The following SLC25A42 variants were observed in gnomAD, a reference collection of about 807,000 sequenced individuals.
The protein encoded by SLC25A42 is mitochondrial coenzyme A transporter SLC25A42.
In SLC25A42, 19 loss-of-function variants were observed where a neutral mutation model predicts 34.7. The observed-to-expected ratio is 0.55, with a 90% CI of 0.38 to 0.80. SLC25A42 has a LOEUF of 0.80. Among genes scored for constraint, SLC25A42 ranks in the 30% least tolerant of loss-of-function variants. The pLI is 0.00. For missense variants in SLC25A42, 364 were observed against 441.3 expected (o/e 0.82, Z 1.57); for synonymous variants, 205 against 191.2 (o/e 1.07, Z -0.59).
chr19:19,106,066 G>A, intron 5 of SLC25A42: 1 of 566,326 alleles, frequency 1.8e-6, no homozygotes. Flanking sequence ...GGGGGGAAGG[G>A]AAGGCAGCCA....
Position 19,109,164 on chromosome 19 carries a change from G to T in SLC25A42, c.649+1119G>T, listed in dbSNP as rs972768240. On this transcript the variant is annotated intron_variant, in intron 7 of 7. Transcript: ENST00000318596. The surrounding 1 kb of genome is among the most constrained non-coding windows in gnomAD (Gnocchi z 4.1). ...TGCAGCTCCCAGCTCAGCTGGTTTG[G>T]GGTGCATCCACCAGCATCTGTGCTC... Among the ~76,000 whole-genome samples the T allele has an allele frequency of 2.0e-5, 3 of 152,196 alleles. No individual in the cohort carries two copies. The highest frequency in any genetic ancestry group is 4.4e-5 in the Non-Finnish European group (3 of 68,032).
At chr19:19,107,243 G>A (rs527412912) in intron 6 of SLC25A42, among the ~76,000 whole-genome samples, 4 of 150,490 alleles carry the variant, frequency 2.7e-5, no homozygotes, top group African/African-American at 4.9e-5. Context: ...CTTGAGTCTC[G>A]CAGCTTGAGG....
At chr19:19,090,066 C>T (rs994881656) in intron 1 of SLC25A42, among the ~76,000 whole-genome samples, 1 of 152,182 alleles carries the variant, frequency 6.6e-6, no homozygotes, top group African/African-American at 2.4e-5. Context: ...AGTGTCCTGT[C>T]CCACCTTGGC....
At chr19:19,088,095 C>G (rs912284901) in intron 1 of SLC25A42, among the ~76,000 whole-genome samples, 1 of 152,100 alleles carries the variant, frequency 6.6e-6, no homozygotes, top group African/African-American at 2.4e-5. Context: ...AGTTTTGTTG[C>G]CATGTATGGA....
chr19:19,081,033 C>T lies in SLC25A42; in HGVS notation c.-34-15058C>T, dbSNP rs1208240509. On this transcript the variant is annotated intron_variant, in intron 1 of 7. Coordinates refer to ENST00000318596, the MANE Select transcript of SLC25A42 (RefSeq NM_178526.5). This position sits in a 1 kb window ranked among gnomAD's most constrained non-coding sequence, Gnocchi z 4.5. ...AACTGAGGCAGGAGTTTGGGGAATC[C>T]CTTGAGCCCAGGAGTTTGAAGTTAC... 6.6e-6 allele frequency among the ~76,000 whole-genome samples: 1 copy of T among 151,284 alleles called. No homozygotes were observed. The highest frequency in any genetic ancestry group is 1.5e-5 in the Non-Finnish European group (1 of 67,794).
At chr19:19,070,913 C>T (rs1193203054) in intron 1 of SLC25A42, among the ~76,000 whole-genome samples, 1 of 151,922 alleles carries the variant, frequency 6.6e-6, no homozygotes, top group Non-Finnish European at 1.5e-5. Context: ...GCTTTGCTTA[C>T]TCACCTGTCT....
chr19:19,073,889 G>A (rs1390346749), intron 1 of SLC25A42, among the ~76,000 whole-genome samples: 1 of 152,110 alleles, frequency 6.6e-6, no homozygotes, highest in East Asian at 1.9e-4. Flanking sequence ...TTGTATTTTT[G>A]TAGAGACAGG....
At chr19:19,096,254 T>TGGCCCCCCCCCCCCCCCCCC in intron 2 of SLC25A42, 49 bp downstream of exon 2, 7 of 1,456,632 alleles carry the variant, frequency 4.8e-6, no homozygotes, top group East Asian at 2.4e-5. Flanking sequence ...GGCCCCAGCC[T>TGGCCCCCCCCCCCCCCCCCC]CCCCACCCCC....
At chr19:19,104,578 G>A (rs1025180161) in intron 3 of SLC25A42, among the ~76,000 whole-genome samples, 13 of 152,206 alleles carry the variant, frequency 8.5e-5, no homozygotes, top group Admixed American at 7.2e-4. Flanking sequence ...GACCCCACAT[G>A]TAGACCCCTG....
intron 1 of SLC25A42, among the ~76,000 whole-genome samples, chr19:19,078,831 C>T (rs2059667577): frequency 6.6e-6 from 1 of 151,746 alleles, no homozygotes; most frequent in African/African-American, 2.4e-5. Flanking sequence ...TCAAAATGCA[C>T]ATAACTTGAA....
rs1268967923 is a variant in SLC25A42 at position 19,111,723 on chromosome 19, G to A, written c.*847G>A. 2 of 152,406 alleles carry A rather than the reference G, an allele frequency of 1.3e-5. No homozygotes were observed. Among genetic ancestry groups the A allele is most frequent in the Non-Finnish European group, 2.9e-5 (2 of 68,192 alleles). The allele number at this position is 152,406 out of a possible 1,614,324, so 9.4% of individuals were successfully genotyped here. A position where few individuals can be genotyped will look rare whatever the true frequency, so the allele number is the denominator to read the frequency against. On this transcript the variant is annotated 3_prime_UTR_variant, in exon 8 of 8. Transcript: ENST00000318596. Reference sequence around the variant, plus strand: ...TGTGAGCACACAAACCACCTCCTTTGGCCCAGAAGCCCCCCAGGCCTAGCA... The same window carrying A: ...TGTGAGCACACAAACCACCTCCTTTAGCCCAGAAGCCCCCCAGGCCTAGCA...
intron 1 of SLC25A42, among the ~76,000 whole-genome samples, chr19:19,072,688 A>T (rs944319344): frequency 2.7e-5 from 4 of 145,518 alleles, no homozygotes; most frequent in Admixed American, 6.9e-5. Flanking sequence ...CAGCCAAAAA[A>T]TTTTTTTTAG....
At chr19:19,080,004 T>C (rs1432675998) in intron 1 of SLC25A42, among the ~76,000 whole-genome samples, 1 of 152,170 alleles carries the variant, frequency 6.6e-6, no homozygotes, top group African/African-American at 2.4e-5. Flanking sequence ...CCATCTAACA[T>C]TCCCAGCATA....
intron 1 of SLC25A42, among the ~76,000 whole-genome samples, chr19:19,070,366 C>T (rs1447221578): frequency 1.4e-5 from 2 of 138,916 alleles, no homozygotes; most frequent in Admixed American, 1.5e-4. Context: ...GGTGTGATCT[C>T]GGCTCACCGC....
chr19:19,096,254 T>TGGGGG, intron 2 of SLC25A42, 49 bp downstream of exon 2: 9 of 1,456,394 alleles, frequency 6.2e-6, no homozygotes, highest in African/African-American at 1.5e-5. Context: ...GGCCCCAGCC[T>TGGGGG]CCCCACCCCC....
At chr19:19,065,977 C>T (rs1568504105) in intron 1 of SLC25A42, among the ~76,000 whole-genome samples, 2 of 152,098 alleles carry the variant, frequency 1.3e-5, no homozygotes, top group Non-Finnish European at 2.9e-5. Flanking sequence ...CTACCTCAGC[C>T]TCCTGAGTAG....
chr19:19,111,092 G>A lies in SLC25A42; in HGVS notation c.*216G>A, dbSNP rs951891230. On this transcript the variant is annotated 3_prime_UTR_variant, in exon 8 of 8. Coordinates refer to ENST00000318596, the MANE Select transcript of SLC25A42 (RefSeq NM_178526.5). ...CAGTGTTGGGGCGATGGTGTGGGGG[G>A]TCCCGCAGCTCCCCTCTTCCTTCCT... 7 of 588,900 alleles carry A rather than the reference G, an allele frequency of 1.2e-5. No homozygotes were observed. The highest frequency in any genetic ancestry group is 4.5e-4 in the Middle Eastern group (1 of 2,238). The allele number at this position is 588,900 out of a possible 1,614,324, so 36.5% of individuals were successfully genotyped here.
chr19:19,074,672 T>C (rs2145900154), intron 1 of SLC25A42, among the ~76,000 whole-genome samples: 1 of 152,146 alleles, frequency 6.6e-6, no homozygotes, highest in Non-Finnish European at 1.5e-5. Flanking sequence ...TGCATATGAG[T>C]CTGTGTGTGT....
intron 2 of SLC25A42, among the ~76,000 whole-genome samples, chr19:19,097,082 G>T (rs946090901): frequency 2.0e-5 from 3 of 152,160 alleles, no homozygotes; most frequent in Non-Finnish European, 2.9e-5. Flanking sequence ...CAGCCCTGTT[G>T]TTCACCATAG....
Sources: allele counts gnomAD v4.1 joint callset (sites outside exome capture counted in the v4.1 genomes callset), GRCh38; gene constraint gnomAD v4.1.1; non-coding constraint Gnocchi (gnomAD v3.1); transcripts MANE v1.5; gene names NCBI Gene and HGNC (gene_info 2026-07-23, HGNC 2026-07-21).